CDKL3: variants seen among roughly 807,000 people sequenced by gnomAD.
CDKL3 encodes the protein cyclin-dependent kinase-like 3.
A neutral mutation model predicts 69.3 loss-of-function variants in CDKL3; 65 were observed. The ratio of observed to expected loss-of-function variants is 0.94; its 90% CI spans 0.77 to 1.15. The LOEUF (loss-of-function observed/expected upper bound fraction) is 1.15. Among genes scored for constraint, CDKL3 ranks in the 50% most tolerant of loss-of-function variants. The pLI, the probability that CDKL3 is intolerant of heterozygous loss-of-function variation, is 0.00. For synonymous variants in CDKL3, 202 were observed against 221.6 expected (o/e 0.91, Z 0.79); for missense variants, 652 against 689.2 (o/e 0.95, Z 0.61).
At chr5:134,305,107 CTTA>C (rs371619293) in intron 10 of CDKL3, among the ~76,000 whole-genome samples, 96 of 149,934 alleles carry the variant, frequency 6.4e-4, no homozygotes, top group African/African-American at 1.4e-3. Flanking sequence ...TGCATCTGGC[CTTA>C]TTATTATTAT....
At chr5:134,352,639 T>C (rs918574472) in intron 3 of CDKL3, among the ~76,000 whole-genome samples, 6 of 152,018 alleles carry the variant, frequency 3.9e-5, no homozygotes, top group Admixed American at 2.0e-4. Context: ...TAAAGACACA[T>C]GGTTTTGCCA....
intron 5 of CDKL3, 146 bp downstream of exon 5, chr5:134,321,645 A>T: frequency 1.9e-6 from 1 of 526,180 alleles, no homozygotes; most frequent in Non-Finnish European, 3.4e-6. Context: ...CTTCTTTATC[A>T]GCCCAAGGAA....
chr5:134,343,716 G>A (rs1175459587), intron 4 of CDKL3, among the ~76,000 whole-genome samples: 1 of 152,080 alleles, frequency 6.6e-6, no homozygotes, highest in Non-Finnish European at 1.5e-5. Flanking sequence ...CCCAGACCCA[G>A]GAAGTGATTC....
At chr5:134,317,997 A>G (rs1266161671) in intron 6 of CDKL3, among the ~76,000 whole-genome samples, 2 of 152,150 alleles carry the variant, frequency 1.3e-5, no homozygotes, top group Non-Finnish European at 2.9e-5. Flanking sequence ...AGGTGGGAGG[A>G]TCACCTGAGG....
At chr5:134,313,831 T>C (rs1172952050) in intron 6 of CDKL3, among the ~76,000 whole-genome samples, 1 of 152,030 alleles carries the variant, frequency 6.6e-6, no homozygotes, top group African/African-American at 2.4e-5. Context: ...TGGCAATACC[T>C]AGGTCTTTAA....
upstream of CDKL3, among the ~76,000 whole-genome samples, chr5:134,367,623 C>T (rs1757771337): frequency 6.6e-6 from 1 of 152,220 alleles, no homozygotes; most frequent in Non-Finnish European, 1.5e-5. Flanking sequence ...ATCCGCCTGC[C>T]TCGGCCTCCC....
At chr5:134,343,931 A>G (rs921528201) in intron 4 of CDKL3, among the ~76,000 whole-genome samples, 2 of 152,176 alleles carry the variant, frequency 1.3e-5, no homozygotes, top group Admixed American at 6.5e-5. Flanking sequence ...CTCTATTGCA[A>G]TTCCCGTCTT....
At chr5:134,334,108 T>C (rs1776470618) in intron 4 of CDKL3, among the ~76,000 whole-genome samples, 1 of 152,220 alleles carries the variant, frequency 6.6e-6, no homozygotes, top group Non-Finnish European at 1.5e-5. Context: ...GAGGGGTTTG[T>C]AGTATTCTCT....
Position 134,304,400 on chromosome 5 carries a change from T to C in CDKL3, c.1621+5A>G, listed in dbSNP as rs1561504164. 3 of 1,600,882 alleles carry C rather than the reference T, an allele frequency of 1.9e-6. No homozygotes were observed. Among genetic ancestry groups the C allele is most frequent in the Non-Finnish European group, 2.6e-6 (3 of 1,173,106 alleles). The stretch of plus-strand genomic sequence containing the variant: ...TAATTGTAAAGCTATGCAACAAATG[T>C]GTACCTTCCATTCCTTTTGTATCTT... On this transcript the variant is annotated splice_donor_5th_base_variant and intron_variant, in intron 11 of 12. Transcript: ENST00000265334.
At chr5:134,324,468 T>A (rs1200111181) in intron 4 of CDKL3, among the ~76,000 whole-genome samples, 1 of 151,982 alleles carries the variant, frequency 6.6e-6, no homozygotes, top group Non-Finnish European at 1.5e-5. Flanking sequence ...GGTGAGTGGA[T>A]AAACAAACTG....
At chr5:134,340,406 G>C (rs1017331350) in intron 4 of CDKL3, among the ~76,000 whole-genome samples, 1 of 151,998 alleles carries the variant, frequency 6.6e-6, no homozygotes, top group South Asian at 2.1e-4. Flanking sequence ...TAAGAAAACA[G>C]AGAAAATCAA....
At chr5:134,339,441 T>C (rs1323112435) in intron 4 of CDKL3, among the ~76,000 whole-genome samples, 1 of 151,904 alleles carries the variant, frequency 6.6e-6, no homozygotes, top group Non-Finnish European at 1.5e-5. Context: ...TTACTAGAGA[T>C]GAAGAGGGAA....
intron 12 of CDKL3, among the ~76,000 whole-genome samples, chr5:134,301,584 A>T (rs1336954070): frequency 2.7e-5 from 3 of 112,978 alleles, no homozygotes; most frequent in African/African-American, 1.2e-4. Context: ...TTTATTTTTT[A>T]AAAAAACAGA....
At chr5:134,319,769 T>C (rs1300414566) in intron 5 of CDKL3, among the ~76,000 whole-genome samples, 1 of 152,212 alleles carries the variant, frequency 6.6e-6, no homozygotes, top group Non-Finnish European at 1.5e-5. Flanking sequence ...AGACATAATA[T>C]GTAATGCTAT....
chr5:134,371,604 C>G (rs748632151), upstream of CDKL3: 2 of 1,612,808 alleles, frequency 1.2e-6, no homozygotes, highest in Admixed American at 1.7e-5. Flanking sequence ...GCATGTCGAC[C>G]CCGGCCCGGA....
intron 4 of CDKL3, among the ~76,000 whole-genome samples, chr5:134,330,227 T>C (rs1405543495): frequency 6.6e-6 from 1 of 152,068 alleles, no homozygotes; most frequent in Non-Finnish European, 1.5e-5. Context: ...GTGCCCTTTA[T>C]AGATTTTTTA....
chr5:134,311,489 A>G (rs7711695), intron 7 of CDKL3, among the ~76,000 whole-genome samples: 34,871 of 151,830 alleles, frequency 0.23, 6,950 homozygotes, highest in African/African-American at 0.54. Flanking sequence ...CTGGGCAACA[A>G]AGCGAGACTT....
At chr5:134,327,389 A>G (rs1774665529) in intron 4 of CDKL3, among the ~76,000 whole-genome samples, 2 of 152,188 alleles carry the variant, frequency 1.3e-5, no homozygotes, top group African/African-American at 4.8e-5. Context: ...AATTGCCATG[A>G]ATTCAACCCA....
chr5:134,354,004 C>T (rs1315255258), intron 3 of CDKL3, among the ~76,000 whole-genome samples: 3 of 152,160 alleles, frequency 2.0e-5, no homozygotes, highest in Non-Finnish European at 2.9e-5. Flanking sequence ...ATTAGTTTCC[C>T]GATTTGCCAG....
Sources: gnomAD v4.1 joint callset for allele counts (sites outside exome capture counted in the v4.1 genomes callset) on GRCh38, gnomAD v4.1.1 for gene constraint, MANE v1.5 for transcripts, NCBI Gene and HGNC (gene_info 2026-07-23, HGNC 2026-07-21) for gene names.